The following SPRED2 variants were observed in gnomAD, a reference collection of about 807,000 sequenced individuals.
The protein encoded by SPRED2 is sprouty-related, EVH1 domain-containing protein 2.
A neutral mutation model predicts 43.0 loss-of-function variants in SPRED2; 47 were observed. The ratio of observed to expected loss-of-function variants is 1.09; its 90% CI spans 0.87 to 1.40. SPRED2 has a LOEUF of 1.40. Among genes scored for constraint, SPRED2 ranks in the 40% most tolerant of loss-of-function variants. SPRED2 has a pLI of 0.00. For synonymous variants in SPRED2, 225 were observed against 225.7 expected (o/e 1.00, Z 0.03); for missense variants, 561 against 586.4 (o/e 0.96, Z 0.45).
intron 1 of SPRED2, among the ~76,000 whole-genome samples, chr2:65,382,328 AG>A (rs1201348848): frequency 2.6e-5 from 4 of 152,272 alleles, no homozygotes; most frequent in Non-Finnish European, 4.4e-5. Flanking sequence ...AAAAAAAGCC[AG>A]GGGGGGTGCT....
At chr2:65,394,701 A>T (rs530367556) in intron 1 of SPRED2, among the ~76,000 whole-genome samples, 1 of 152,258 alleles carries the variant, frequency 6.6e-6, no homozygotes, top group Non-Finnish European at 1.5e-5. Flanking sequence ...GAAGATTGCT[A>T]GGAGCCATGA....
At chr2:65,352,208 T>A (rs1674531908) in intron 1 of SPRED2, among the ~76,000 whole-genome samples, 1 of 152,238 alleles carries the variant, frequency 6.6e-6, no homozygotes, top group Non-Finnish European at 1.5e-5. Context: ...GGCCATCAGC[T>A]CTTCTCTCAA....
intron 1 of SPRED2, among the ~76,000 whole-genome samples, chr2:65,361,676 T>C (rs1558668823): frequency 6.6e-6 from 1 of 152,250 alleles, no homozygotes; most frequent in East Asian, 1.9e-4. Flanking sequence ...GGTTAAGCGA[T>C]GTTTTTTAAT....
At chr2:65,340,363 T>C (rs774461138) in intron 2 of SPRED2, among the ~76,000 whole-genome samples, 20 of 152,198 alleles carry the variant, frequency 1.3e-4, no homozygotes, top group Non-Finnish European at 2.6e-4. Flanking sequence ...TAAAAAGATA[T>C]GCACATTTAA....
In SPRED2 at chr2:65,312,142, C is replaced by G; in HGVS notation, c.*1359G>C. The G allele has an allele frequency of 1.0e-6, 1 of 985,548 alleles. No individual in the cohort carries two copies. Among genetic ancestry groups the G allele is most frequent in the Non-Finnish European group, 1.2e-6 (1 of 829,934 alleles). 61.1% of individuals were successfully genotyped at this position (985,548 alleles called of 1,614,324 possible). A position where few individuals can be genotyped will look rare whatever the true frequency, so the allele number is the denominator to read the frequency against. ...CCTTGCAACGTATTAGAAAAATACT[C>G]TTTTCCAGCTAATTAGAAGCCTCCT... is the stretch of plus-strand genomic sequence containing the variant. On this transcript the variant is annotated 3_prime_UTR_variant, in exon 6 of 6. Coordinates refer to ENST00000356388, the MANE Select transcript of SPRED2 (RefSeq NM_181784.3).
downstream of SPRED2, among the ~76,000 whole-genome samples, chr2:65,309,574 A>G (rs1673016725): frequency 6.6e-6 from 1 of 151,244 alleles, no homozygotes. Context: ...ATATGCAAAT[A>G]TATCAGGGAC....
At chr2:65,424,041 G>A (rs1676500676) in intron 1 of SPRED2, among the ~76,000 whole-genome samples, 4 of 151,994 alleles carry the variant, frequency 2.6e-5, no homozygotes, top group Non-Finnish European at 2.9e-5. Flanking sequence ...GGCCCACCTC[G>A]GACTCCCAAA....
At chr2:65,309,024 C>T (rs939860732), downstream of SPRED2, among the ~76,000 whole-genome samples, 1 of 151,924 alleles carries the variant, frequency 6.6e-6, no homozygotes, top group African/African-American at 2.4e-5. Context: ...GGTGTGGTGG[C>T]GGGTGCCTGT....
Position 65,344,757 on chromosome 2 carries a change from C to T in SPRED2, c.166G>A (p.Gly56Ser), listed in dbSNP as rs767844690. 85 of 1,614,032 alleles carry T rather than the reference C, an allele frequency of 5.3e-5. No individual in the cohort carries two copies. The highest frequency in any genetic ancestry group is 6.5e-5 in the Non-Finnish European group (77 of 1,180,034). ...VMHPEGNGRS[G>S]FLIHGERQKD... ...TGTCGTTCACCATGGATGAGAAAGCCGCTTCGTCCATTGCCTTCGGGGTGC... is the reference window on the plus strand; with the variant it reads ...TGTCGTTCACCATGGATGAGAAAGCTGCTTCGTCCATTGCCTTCGGGGTGC... The change falls in exon 2 of 6, where the codon GGC (glycine) becomes AGC (serine). Residue 56 changes from glycine to serine, a missense_variant. Around this residue, in one of 6 missense-constraint regions of SPRED2, gnomAD observed 305 missense variants for 282.4 expected, o/e 1.08. Transcript: ENST00000356388.
chr2:65,316,129 C>G (rs1479397170), intron 5 of SPRED2, among the ~76,000 whole-genome samples: 1 of 152,240 alleles, frequency 6.6e-6, no homozygotes, highest in Non-Finnish European at 1.5e-5. Context: ...CACAGCACCC[C>G]ACACAGGCAC....
intron 1 of SPRED2, among the ~76,000 whole-genome samples, chr2:65,360,101 A>AAAAAAAAAAAAAAAAAAAC (rs1674768482): frequency 5.5e-4 from 7 of 12,622 alleles, no homozygotes; most frequent in Non-Finnish European, 1.5e-3. Flanking sequence ...AAAAAAAAAC[A>AAAAAAAAAAAAAAAAAAAC]AAAAAAAAAA....
chr2:65,309,932 G>A (rs73936448), downstream of SPRED2, among the ~76,000 whole-genome samples: 1,009 of 152,278 alleles, frequency 6.6e-3, 18 homozygotes, highest in African/African-American at 0.023. Flanking sequence ...TCTGCAGTTG[G>A]CTAGCCCAGC....
chr2:65,316,934 C>A (rs1295467786), intron 4 of SPRED2, 51 bp from the exon 5 acceptor site: 2 of 1,588,000 alleles, frequency 1.3e-6, no homozygotes. Flanking sequence ...CAACAAAAAC[C>A]CCACGCAGCA....
At chr2:65,323,870 C>T (rs182992240) in intron 4 of SPRED2, among the ~76,000 whole-genome samples, 4 of 151,914 alleles carry the variant, frequency 2.6e-5, no homozygotes, top group East Asian at 1.9e-4. Context: ...AGCAAGACTC[C>T]GTCTCAAAAA....
In SPRED2 at chr2:65,331,164, C is replaced by T. The variant is rs112899419; in HGVS notation, c.438+823G>A. On this transcript the variant is annotated intron_variant, in intron 4 of 5. Coordinates refer to ENST00000356388, the MANE Select transcript of SPRED2 (RefSeq NM_181784.3). ...GGCTAAAGCCTATAAACCTATAATC[C>T]CAGCACTTTGAGAAGCTGAAGTTGG... Among the ~76,000 whole-genome samples, 873 of 152,132 alleles carry T rather than the reference C, an allele frequency of 5.7e-3. 6 individuals carry two copies. Among genetic ancestry groups the T allele is most frequent in the African/African-American group, 0.02 (821 of 41,478 alleles).
intron 1 of SPRED2, among the ~76,000 whole-genome samples, chr2:65,371,380 C>G (rs1675121350): frequency 1.3e-5 from 2 of 152,150 alleles, no homozygotes; most frequent in Admixed American, 1.3e-4. Flanking sequence ...ACAGATTAAA[C>G]TGGGGTGTAC....
At chr2:65,324,237 C>G (rs553648639) in intron 4 of SPRED2, among the ~76,000 whole-genome samples, 1 of 152,234 alleles carries the variant, frequency 6.6e-6, no homozygotes, top group South Asian at 2.1e-4. Context: ...TCAGATATTT[C>G]CCATAACTCT....
At chr2:65,405,192 T>A (rs988009196) in intron 1 of SPRED2, among the ~76,000 whole-genome samples, 2 of 152,238 alleles carry the variant, frequency 1.3e-5, no homozygotes, top group Non-Finnish European at 2.9e-5. Flanking sequence ...CTACGTCTCA[T>A]GACCAACAAG....
chr2:65,333,998 G>A (rs567636717), intron 3 of SPRED2: 3 of 301,806 alleles, frequency 9.9e-6, no homozygotes, highest in Non-Finnish European at 2.0e-5. Context: ...ATGTGCTGCA[G>A]TGGAGAATTT....
Sources: allele counts gnomAD v4.1 joint callset (sites outside exome capture counted in the v4.1 genomes callset), GRCh38; gene constraint gnomAD v4.1.1; regional missense constraint gnomAD v4.1.1; transcripts MANE v1.5; gene names NCBI Gene and HGNC (gene_info 2026-07-23, HGNC 2026-07-21).